Variants in SOX5 observed in about 807,000 individuals in gnomAD.
The protein encoded by SOX5 is transcription factor SOX-5.
SOX5 carries 9 observed loss-of-function variants against 92.0 expected under a neutral mutation model. The observed-to-expected ratio is 0.10, with a 90% confidence interval of 0.06 to 0.17. The LOEUF (loss-of-function observed/expected upper bound fraction) is 0.17, where lower values mean the gene tolerates loss of function less well. SOX5 is among the 10% of genes least tolerant of loss of function. The pLI is 1.00. For missense variants in SOX5, 642 were observed against 944.5 expected, an observed-to-expected ratio of 0.68 and a Z score of 4.20; for synonymous variants, 344 against 336.3, an observed-to-expected ratio of 1.02 and a Z score of -0.25.
At chr12:24,184,009 ATTTCATGCTATCTGTATTTCTTTTGTTC>A (rs1168860946) in intron 4 of SOX5, among the ~76,000 whole-genome samples, 4 of 152,306 alleles carry the variant, frequency 2.6e-5, no homozygotes, top group African/African-American at 9.6e-5. Flanking sequence ...ACAATATATA[ATTTCATGCTATCTGTATTTCTTTTGTTC>A]AAAAGCTTTA....
At chr12:24,177,752 G>C (rs1485699308) in intron 4 of SOX5, among the ~76,000 whole-genome samples, 2 of 119,236 alleles carry the variant, frequency 1.7e-5, no homozygotes, top group Admixed American at 8.6e-5. Context: ...AACACTCACA[G>C]GGTCACTAGG....
At chr12:24,376,087 GAA>G (rs1015955431) in intron 1 of SOX5, among the ~76,000 whole-genome samples, 5 of 152,172 alleles carry the variant, frequency 3.3e-5, no homozygotes, top group African/African-American at 1.2e-4. Flanking sequence ...ATCCTCTTCT[GAA>G]GTCTGCCAAA....
At chr12:24,055,401 A>G (rs1957994797) in intron 4 of SOX5, among the ~76,000 whole-genome samples, 1 of 152,256 alleles carries the variant, frequency 6.6e-6, no homozygotes, top group Admixed American at 6.5e-5. Flanking sequence ...GGACATGGCA[A>G]AAAAGAAGTC....
At chr12:24,164,403 T>A (rs529663799) in intron 4 of SOX5, among the ~76,000 whole-genome samples, 59 of 152,074 alleles carry the variant, frequency 3.9e-4, no homozygotes, top group Non-Finnish European at 7.8e-4. Flanking sequence ...AATTTCTCAC[T>A]CCTAGGCATG....
Position 24,446,170 on chromosome 12 carries a change from G to A in SOX5, c.-250-77531C>T, listed in dbSNP as rs141013322. On this transcript the variant is annotated intron_variant, in intron 1 of 4. Transcript: ENST00000446891. The stretch of plus-strand genomic sequence containing the variant: ...GACCCTACCTACATATATTCTAATG[G>A]TGAGAGCAGGCAGATAACAAATGAC... 5.8e-3 allele frequency among the ~76,000 whole-genome samples: 886 copies of A among 152,256 alleles called. 2 individuals are homozygous for A. The highest frequency in any genetic ancestry group is 0.01 in the Middle Eastern group (3 of 294).
At chr12:23,962,911 T>G (rs374005841) in intron 4 of SOX5, among the ~76,000 whole-genome samples, 1 of 152,124 alleles carries the variant, frequency 6.6e-6, no homozygotes, top group Non-Finnish European at 1.5e-5. Context: ...AACATTTTGA[T>G]TCACTGAAAA....
intron 1 of SOX5, among the ~76,000 whole-genome samples, chr12:24,431,229 C>A (rs1212769527): frequency 1.3e-5 from 2 of 152,090 alleles, no homozygotes; most frequent in South Asian, 2.1e-4. Context: ...AACTCAGGTT[C>A]AAACTCACAC....
intron 1 of SOX5, among the ~76,000 whole-genome samples, chr12:24,522,313 G>A (rs1002082755): frequency 3.9e-5 from 6 of 151,966 alleles, no homozygotes; most frequent in African/African-American, 1.4e-4. Flanking sequence ...GGATCTGACG[G>A]TTTCACTGGT....
chr12:24,438,899 T>C (rs1000952991), intron 1 of SOX5, among the ~76,000 whole-genome samples: 2 of 152,248 alleles, frequency 1.3e-5, no homozygotes, highest in African/African-American at 4.8e-5. Context: ...ATAACTTAGT[T>C]GATAAAGCAG....
At chr12:23,951,941 T>A (rs1945708033), upstream of SOX5, among the ~76,000 whole-genome samples, 1 of 152,198 alleles carries the variant, frequency 6.6e-6, no homozygotes, top group African/African-American at 2.4e-5. Flanking sequence ...TTATTTTAAA[T>A]CTCTATTTTT....
At chr12:23,890,812 G>GAAAAAAAAA (rs76268339) in intron 2 of SOX5, among the ~76,000 whole-genome samples, 1 of 135,934 alleles carries the variant, frequency 7.4e-6, no homozygotes, top group Non-Finnish European at 1.6e-5. Flanking sequence ...AAGTCAAGTT[G>GAAAAAAAAA]AAAAAAAAAA....
intron 4 of SOX5, among the ~76,000 whole-genome samples, chr12:24,014,255 C>G (rs533588713): frequency 6.6e-6 from 1 of 152,140 alleles, no homozygotes; most frequent in African/African-American, 2.4e-5. Context: ...CTTAGCGCCT[C>G]CTTTAACCGT....
chr12:23,540,363 TAA>T (rs1491463420), intron 13 of SOX5, among the ~76,000 whole-genome samples: 2 of 42,334 alleles, frequency 4.7e-5, no homozygotes, highest in Non-Finnish European at 9.1e-5. Flanking sequence ...ACTTAAAGTA[TAA>T]TAATAATAAT....
chr12:24,307,946 TGG>T (rs937021566), intron 2 of SOX5, among the ~76,000 whole-genome samples: 2 of 151,912 alleles, frequency 1.3e-5, no homozygotes, highest in Admixed American at 6.6e-5. Context: ...CATCAGGTGA[TGG>T]TCACGCAATT....
chr12:24,504,586 A>G (rs929161156), intron 1 of SOX5, among the ~76,000 whole-genome samples: 1 of 152,216 alleles, frequency 6.6e-6, no homozygotes, highest in African/African-American at 2.4e-5. Flanking sequence ...TTATTTTCAA[A>G]ATGCCTACCA....
chr12:23,776,294 T>A (rs2095096833), intron 3 of SOX5, among the ~76,000 whole-genome samples: 1 of 152,186 alleles, frequency 6.6e-6, no homozygotes, highest in Non-Finnish European at 1.5e-5. Flanking sequence ...CTCACTGTCT[T>A]ATATTGCTAT....
chr12:24,098,937 G>A (rs1340920840), intron 4 of SOX5, among the ~76,000 whole-genome samples: 7 of 152,140 alleles, frequency 4.6e-5, no homozygotes, highest in Admixed American at 2.0e-4. Context: ...TCAACGTAGT[G>A]TATGTCTAGC....
chr12:24,483,916 T>C (rs1946255928), intron 1 of SOX5, among the ~76,000 whole-genome samples: 1 of 152,220 alleles, frequency 6.6e-6, no homozygotes, highest in Non-Finnish European at 1.5e-5. Context: ...ATTCTTTATG[T>C]AAGAAAATGT....
intron 3 of SOX5, among the ~76,000 whole-genome samples, chr12:23,774,451 ATT>A (rs2095037058): frequency 6.6e-6 from 1 of 152,170 alleles, no homozygotes; most frequent in South Asian, 2.1e-4. Flanking sequence ...GAAAAATAAT[ATT>A]TTTATTTTTC....
Sources: gnomAD v4.1 joint callset for allele counts (sites outside exome capture counted in the v4.1 genomes callset) on GRCh38, gnomAD v4.1.1 for gene constraint, MANE v1.5 for transcripts, NCBI Gene and HGNC (gene_info 2026-07-23, HGNC 2026-07-21) for gene names.